FBXW11: variants seen among roughly 807,000 people sequenced by gnomAD.
FBXW11 encodes F-box and WD repeat domain containing 11, also known as F-box/WD repeat-containing protein 11.
FBXW11 carries 19 observed loss-of-function variants against 77.6 expected under a neutral mutation model. That is an observed-to-expected ratio of 0.24 (90% confidence interval 0.17 to 0.36). FBXW11 has a LOEUF of 0.36. Among genes scored for constraint, FBXW11 ranks in the 10% least tolerant of loss-of-function variants. FBXW11 has a pLI of 1.00. For synonymous variants in FBXW11, 235 were observed against 249.4 expected (o/e 0.94, Z 0.54); for missense variants, 334 against 704.2 (o/e 0.47, Z 5.95).
At chr5:171,910,868 AT>A in intron 3 of FBXW11, 71 bp from the exon 4 acceptor site, 1 of 1,102,782 alleles carries the variant, frequency 9.1e-7, no homozygotes, top group Non-Finnish European at 1.3e-6. Flanking sequence ...CATTAGAAAT[AT>A]TTTTCACCCT....
intron 3 of FBXW11, 51 bp downstream of exon 3, chr5:171,914,292 C>A: frequency 6.8e-7 from 1 of 1,470,904 alleles, no homozygotes; most frequent in Non-Finnish European, 9.4e-7. Flanking sequence ...GAGGGAGCAT[C>A]CTATCTACAG....
intron 1 of FBXW11, among the ~76,000 whole-genome samples, chr5:171,997,385 C>G (rs1766118762): frequency 6.6e-6 from 1 of 152,214 alleles, no homozygotes; most frequent in Admixed American, 6.5e-5. Context: ...CTACACTGAA[C>G]TTCCTTATCC....
intron 2 of FBXW11, among the ~76,000 whole-genome samples, chr5:171,946,501 T>C (rs1364048497): frequency 6.6e-6 from 1 of 152,162 alleles, no homozygotes; most frequent in Non-Finnish European, 1.5e-5. Flanking sequence ...CCTTCCCTGA[T>C]TTCATCTCCT....
In FBXW11 at chr5:171,871,370, A is replaced by G. The variant is rs532090705; in HGVS notation, c.1341-512T>C. Among the ~76,000 whole-genome samples the G allele has an allele frequency of 2.0e-5, 3 of 152,320 alleles. No individual in the cohort carries two copies. In the South Asian group the frequency reaches 6.2e-4, roughly 32 times the overall value. ...GCCCCAGGCACTTCTAGCACAGTGG[A>G]GTCCATAAGGACCACTGAGGTTAGA... is the stretch of plus-strand genomic sequence containing the variant. On this transcript the variant is annotated intron_variant, in intron 10 of 13. Coordinates refer to ENST00000517395, the MANE Select transcript of FBXW11 (RefSeq NM_001378974.1).
chr5:171,964,564 G>A (rs997794021), intron 1 of FBXW11, among the ~76,000 whole-genome samples: 2 of 152,230 alleles, frequency 1.3e-5, no homozygotes, highest in Non-Finnish European at 2.9e-5. Flanking sequence ...CTCTCAGCCT[G>A]TTGCTTTTCA....
chr5:171,875,682 T>C (rs1219134173), intron 9 of FBXW11, among the ~76,000 whole-genome samples: 1 of 152,202 alleles, frequency 6.6e-6, no homozygotes, highest in Non-Finnish European at 1.5e-5. Flanking sequence ...GAATCAGGAC[T>C]GCATTTACCA....
intron 3 of FBXW11, among the ~76,000 whole-genome samples, chr5:171,913,807 CCACACACACATACACACACACA>C (rs1418681644): frequency 1.7e-4 from 17 of 97,910 alleles, no homozygotes; most frequent in Admixed American, 3.4e-4. Flanking sequence ...AAACCCCCAA[CCACACACACATACACACACACA>C]CACACACACA....
rs144194059 is a variant in FBXW11 at position 171,894,473 on chromosome 5, A to C, written c.715-2869T>G. ...GAATCATTAGTTTCTTGAATCCCAA[A>C]GTGCAGCTTGCTTTGAAAAGCCACG... is the stretch of plus-strand genomic sequence containing the variant. On this transcript the variant is annotated intron_variant, in intron 6 of 13. Transcript: ENST00000517395. Among the ~76,000 whole-genome samples the C allele has an allele frequency of 7.2e-5, 11 of 152,324 alleles. No individual in the cohort carries two copies. The East Asian group carries it at 2.1e-3, about 29-fold the overall frequency.
chr5:171,926,956 C>CT (rs1224524714), intron 2 of FBXW11, among the ~76,000 whole-genome samples: 1 of 152,040 alleles, frequency 6.6e-6, no homozygotes, highest in Non-Finnish European at 1.5e-5. Context: ...ATAAAAGACT[C>CT]TATCAACTAG....
intron 1 of FBXW11, among the ~76,000 whole-genome samples, chr5:171,990,130 G>A (rs1444808164): frequency 1.3e-5 from 2 of 151,776 alleles, no homozygotes; most frequent in African/African-American, 4.8e-5. Context: ...AGAGAAATGG[G>A]AAGGAGGGAA....
intron 2 of FBXW11, among the ~76,000 whole-genome samples, chr5:171,920,645 G>A (rs1438638774): frequency 6.6e-6 from 1 of 151,968 alleles, no homozygotes; most frequent in African/African-American, 2.4e-5. Flanking sequence ...GCTTCAATAA[G>A]CTAAGATCAT....
intron 9 of FBXW11, among the ~76,000 whole-genome samples, chr5:171,875,244 T>C (rs1758002053): frequency 8.5e-6 from 1 of 117,146 alleles, no homozygotes; most frequent in Non-Finnish European, 1.7e-5. Context: ...ACCCCATCTG[T>C]ACTTTTAAAA....
At chr5:171,996,804 C>A in intron 1 of FBXW11, 2 of 1,013,488 alleles carry the variant, frequency 2.0e-6, no homozygotes, top group Middle Eastern at 3.0e-4. Flanking sequence ...TATTAATGGA[C>A]AAAATAAATA....
chr5:171,959,144 G>A (rs903817284), intron 1 of FBXW11, among the ~76,000 whole-genome samples: 1 of 151,446 alleles, frequency 6.6e-6, no homozygotes, highest in Non-Finnish European at 1.5e-5. Context: ...AAAATCAGAG[G>A]AACCAAATGG....
chr5:171,988,572 C>T (rs1025184925), intron 1 of FBXW11, among the ~76,000 whole-genome samples: 5 of 152,140 alleles, frequency 3.3e-5, no homozygotes, highest in Admixed American at 6.5e-5. Flanking sequence ...AATTCTGGCA[C>T]GGTGGCTCAC....
At chr5:171,954,256 G>C (rs1763506160) in intron 2 of FBXW11, among the ~76,000 whole-genome samples, 1 of 152,206 alleles carries the variant, frequency 6.6e-6, no homozygotes, top group Non-Finnish European at 1.5e-5. Context: ...CTGGTGACTA[G>C]AGCACTGGCT....
chr5:171,883,063 G>C (rs187490150), intron 7 of FBXW11, among the ~76,000 whole-genome samples: 12 of 152,022 alleles, frequency 7.9e-5, no homozygotes, highest in Admixed American at 3.3e-4. Context: ...GAGTTACTTT[G>C]CTTAGAATAA....
intron 2 of FBXW11, among the ~76,000 whole-genome samples, chr5:171,939,696 C>CAAAAAAAAAAAA (rs58051402): frequency 1.0e-4 from 8 of 80,016 alleles, no homozygotes; most frequent in Non-Finnish European, 1.3e-4. Flanking sequence ...GACCCTGTCT[C>CAAAAAAAAAAAA]AAAAAAAAAA....
rs779724091 is a variant in FBXW11, at chr5:171,914,436, A to G, written c.148-31T>C. On this transcript the variant is annotated intron_variant, in intron 2 of 13. Transcript: ENST00000517395. Reference sequence around the variant, plus strand: ...GGGGGAAAAACAGGTTATTTGAATTATACCAAGTTTTGCAAATCCTAAATA... The same window carrying G: ...GGGGGAAAAACAGGTTATTTGAATTGTACCAAGTTTTGCAAATCCTAAATA... 1.9e-6 allele frequency: 3 copies of G among 1,544,756 alleles called. No individual in the cohort carries two copies. In the East Asian group the frequency reaches 6.9e-5, roughly 35 times the overall value.
Sources: allele counts gnomAD v4.1 joint callset (sites outside exome capture counted in the v4.1 genomes callset), GRCh38; gene constraint gnomAD v4.1.1; transcripts MANE v1.5; gene names NCBI Gene and HGNC (gene_info 2026-07-23, HGNC 2026-07-21).